NAV1: variants seen among roughly 807,000 people sequenced by gnomAD.
NAV1 encodes the protein pore membrane and/or filament interacting like protein 3.
In NAV1, 18 loss-of-function variants were observed where a neutral mutation model predicts 175.2. The observed-to-expected ratio is 0.10, with a 90% CI of 0.07 to 0.15. The LOEUF (loss-of-function observed/expected upper bound fraction) is 0.15, where lower values mean the gene tolerates loss of function less well. Among genes scored for constraint, NAV1 ranks in the 10% least tolerant of loss-of-function variants. The pLI is 1.00. For synonymous variants in NAV1, 897 were observed against 978.7 expected, an observed-to-expected ratio of 0.92 and a Z score of 1.56; for missense variants, 1,731 against 2,436.6, an observed-to-expected ratio of 0.71 and a Z score of 6.10.
intron 2 of NAV1, among the ~76,000 whole-genome samples, chr1:201,631,715 T>G (rs572592): frequency 0.82 from 124,410 of 152,260 alleles, 51,016 homozygotes; most frequent in Admixed American, 0.87. Flanking sequence ...TATAGAAGGA[T>G]AATTGGGTGC....
intron 2 of NAV1, among the ~76,000 whole-genome samples, 179 bp downstream of exon 2, chr1:201,588,828 T>G (rs545840514): frequency 1.3e-5 from 2 of 152,190 alleles, no homozygotes; most frequent in South Asian, 4.2e-4. Context: ...ACAAATCAAT[T>G]GTACAATTTA....
Position 201,808,832 on chromosome 1 carries a change from G to T in NAV1, c.4168G>T (p.Ala1390Ser). ...TTCCCCACGCCGCTCCCTAGGCCTG[G>T]CACTCACCCATTCCTTCGGCCCCAG... The change falls in exon 20 of 30, where the codon GCA becomes TCA. Residue 1390 changes from alanine to serine, a missense_variant. Physicochemically the swap from Ala to Ser is moderately conservative, Grantham distance 99. Around this residue, in one of 13 missense-constraint regions of NAV1, gnomAD observed 122 missense variants for 139.4 expected, o/e 0.88. Transcript: ENST00000367296. This position sits in a 1 kb window ranked among gnomAD's most constrained non-coding sequence, Gnocchi z 5.5. The T allele has an allele frequency of 6.2e-7, 1 of 1,613,618 alleles. No homozygotes were observed. Among genetic ancestry groups the T allele is most frequent in the Non-Finnish European group, 8.5e-7 (1 of 1,179,850 alleles).
intron 3 of NAV1, 127 bp from the exon 8 acceptor site, chr1:201,780,294 C>G (rs1480266511): frequency 4.1e-5 from 43 of 1,054,510 alleles, no homozygotes; most frequent in Non-Finnish European, 5.9e-5. Context: ...TAGGACAAAC[C>G]CCCAGGTTTT....
intron 2 of NAV1, among the ~76,000 whole-genome samples, chr1:201,606,375 T>G (rs1199860269): frequency 1.3e-5 from 2 of 152,188 alleles, no homozygotes; most frequent in Non-Finnish European, 2.9e-5. Context: ...CTGGCACTTA[T>G]AGCCACTCAA....
At chr1:201,584,711 C>T (rs1048478945) in intron 1 of NAV1, among the ~76,000 whole-genome samples, 1 of 152,200 alleles carries the variant, frequency 6.6e-6, no homozygotes, top group African/African-American at 2.4e-5. Context: ...CAGAGCTTAG[C>T]CCATCAGCCC....
At chr1:201,700,524 T>G (rs1240065996) in intron 1 of NAV1, among the ~76,000 whole-genome samples, 4 of 152,216 alleles carry the variant, frequency 2.6e-5, no homozygotes, top group African/African-American at 9.7e-5. Context: ...TGGAAGATAG[T>G]GTGGCAATTC....
exon 1 of NAV1, chr1:201,648,784 G>T: frequency 6.7e-7 from 1 of 1,488,538 alleles, no homozygotes; most frequent in Non-Finnish European, 8.9e-7. Context: ...GCGGCGGACG[G>T]CAGAGGCATG....
chr1:201,542,792 A>G (rs575672698), intron 1 of NAV1, among the ~76,000 whole-genome samples: 1 of 152,378 alleles, frequency 6.6e-6, no homozygotes, highest in South Asian at 2.1e-4. Flanking sequence ...GCTCTGATGC[A>G]TGTGCCTCTG....
intron 1 of NAV1, chr1:201,673,043 C>T (rs533673897): frequency 2.0e-5 from 3 of 152,172 alleles, no homozygotes; most frequent in Non-Finnish European, 2.9e-5. Context: ...AAAATACTGC[C>T]GTTAATTTTA....
chr1:201,674,946 A>G (rs1343951289), intron 1 of NAV1, among the ~76,000 whole-genome samples: 1 of 151,736 alleles, frequency 6.6e-6, no homozygotes, highest in African/African-American at 2.4e-5. Context: ...AGACTGAGGC[A>G]GGAGAATTGC....
At position 201,673,151 on chromosome 1, in the gene NAV1, A is replaced by C. The variant is rs539825333; in HGVS notation, c.757+23726A>C. Reference sequence around the variant, plus strand: ...ATTGTTTTAGGCTCTGTGAGAATGCAATAAAAGTTAAAAATGTATTTCAGA... The same window carrying C: ...ATTGTTTTAGGCTCTGTGAGAATGCCATAAAAGTTAAAAATGTATTTCAGA... On this transcript the variant is annotated intron_variant, in intron 1 of 29. Transcript: ENST00000367296. The C allele has an allele frequency of 1.2e-4, 18 of 152,384 alleles. No homozygotes were observed. In the South Asian group the frequency reaches 3.5e-3, roughly 30 times the overall value. The allele number at this position is 152,384 out of a possible 1,614,324, so 9.4% of individuals were successfully genotyped here. A position where few individuals can be genotyped will look rare whatever the true frequency, so the allele number is the denominator to read the frequency against.
At chr1:201,659,141 A>G (rs1442562468) in intron 1 of NAV1, among the ~76,000 whole-genome samples, 2 of 152,200 alleles carry the variant, frequency 1.3e-5, no homozygotes, top group Admixed American at 6.5e-5. Context: ...CTATAGCAGA[A>G]CCAAGACATT....
intron 1 of NAV1, among the ~76,000 whole-genome samples, chr1:201,551,261 C>T (rs1665845433): frequency 6.6e-6 from 1 of 151,814 alleles, no homozygotes; most frequent in African/African-American, 2.4e-5. Flanking sequence ...AAGGGTCTTA[C>T]TTTTTTGCCC....
chr1:201,789,707 C>T, intron 10 of NAV1, 33 bp from the exon 15 acceptor site: 1 of 1,610,870 alleles, frequency 6.2e-7, no homozygotes, highest in Non-Finnish European at 8.5e-7. Context: ...CTGGAACCCA[C>T]TGTTAACTCT....
chr1:201,751,516 A>AGT (rs1281077990), intron 3 of NAV1, among the ~76,000 whole-genome samples: 3 of 152,234 alleles, frequency 2.0e-5, no homozygotes, highest in African/African-American at 7.2e-5. Flanking sequence ...CTGAATGGAA[A>AGT]GTGCATCAGT....
intron 3 of NAV1, among the ~76,000 whole-genome samples, chr1:201,772,681 C>G (rs1284735988): frequency 5.3e-5 from 8 of 152,162 alleles, no homozygotes; most frequent in Admixed American, 6.5e-5. Context: ...GTTATACGCT[C>G]ATTCTGGATA....
intron 2 of NAV1, among the ~76,000 whole-genome samples, chr1:201,605,316 TTG>T (rs1667644708): frequency 6.6e-6 from 1 of 151,852 alleles, no homozygotes; most frequent in African/African-American, 2.4e-5. Context: ...ACCTGCCCCA[TTG>T]TGTTAGAATC....
At chr1:201,558,129 T>A (rs1666086097) in intron 1 of NAV1, among the ~76,000 whole-genome samples, 1 of 152,212 alleles carries the variant, frequency 6.6e-6, no homozygotes, top group Non-Finnish European at 1.5e-5. Flanking sequence ...CCCACCACCC[T>A]CTGAAACTTC....
intron 1 of NAV1, among the ~76,000 whole-genome samples, chr1:201,666,360 A>T (rs889859783): frequency 1.5e-4 from 23 of 152,182 alleles, no homozygotes; most frequent in South Asian, 2.1e-4. Flanking sequence ...TACAAAAAAA[A>T]AAATAAATCA....
Sources: allele counts gnomAD v4.1 joint callset (sites outside exome capture counted in the v4.1 genomes callset), GRCh38; gene constraint gnomAD v4.1.1; regional missense constraint gnomAD v4.1.1; non-coding constraint Gnocchi (gnomAD v3.1); transcripts MANE v1.5; gene names NCBI Gene and HGNC (gene_info 2026-07-23, HGNC 2026-07-21).